CCSER1: variants seen among roughly 807,000 people sequenced by gnomAD.
CCSER1 encodes coiled-coil serine rich protein 1.
Under a neutral mutation model 82.0 loss-of-function variants are expected in CCSER1, and 41 were observed. The observed-to-expected ratio is 0.50, with a 90% confidence interval of 0.39 to 0.65. The LOEUF is 0.65. Ranked by LOEUF, CCSER1 falls within the 30% of genes least tolerant of loss-of-function variation. The pLI is 0.00. For synonymous variants in CCSER1, 414 were observed against 383.9 expected (o/e 1.08, Z -0.92); for missense variants, 1,119 against 1,064.2 (o/e 1.05, Z -0.72).
chr4:90,493,048 C>T (rs748563434), intron 5 of CCSER1, among the ~76,000 whole-genome samples: 1 of 151,994 alleles, frequency 6.6e-6, no homozygotes, highest in Non-Finnish European at 1.5e-5. Flanking sequence ...ACTGGAATAA[C>T]CACTGTAGAG....
At chr4:91,475,361 A>G (rs1757534249) in intron 10 of CCSER1, among the ~76,000 whole-genome samples, 1 of 151,962 alleles carries the variant, frequency 6.6e-6, no homozygotes, top group African/African-American at 2.4e-5. Flanking sequence ...GTGATTTCAG[A>G]GCAGATATGA....
chr4:90,332,863 A>G (rs1739580448), intron 3 of CCSER1, among the ~76,000 whole-genome samples: 1 of 152,166 alleles, frequency 6.6e-6, no homozygotes, highest in South Asian at 2.1e-4. Flanking sequence ...TTTAATATAA[A>G]TCTATATTCA....
intron 1 of CCSER1, among the ~76,000 whole-genome samples, chr4:90,293,397 CA>C (rs1272414061): frequency 6.6e-6 from 1 of 151,348 alleles, no homozygotes; most frequent in Non-Finnish European, 1.5e-5. Flanking sequence ...TTATTTTTAT[CA>C]GATACTAATT....
intron 9 of CCSER1, among the ~76,000 whole-genome samples, chr4:90,966,686 A>G (rs1202243295): frequency 2.0e-5 from 3 of 152,156 alleles, no homozygotes; most frequent in Non-Finnish European, 4.4e-5. Context: ...ACAGGAAAAT[A>G]TGAAAACTTA....
intron 5 of CCSER1, among the ~76,000 whole-genome samples, chr4:90,611,835 C>T (rs527767869): frequency 6.7e-6 from 1 of 149,518 alleles, no homozygotes; most frequent in East Asian, 1.9e-4. Context: ...CTGTTATCCT[C>T]AAAATAAAAC....
At chr4:90,904,796 T>C (rs1266451292) in intron 8 of CCSER1, among the ~76,000 whole-genome samples, 4 of 152,078 alleles carry the variant, frequency 2.6e-5, no homozygotes, top group Non-Finnish European at 5.9e-5. Context: ...AACCCTGTTA[T>C]ATGATGTGTA....
At chr4:91,204,598 T>A (rs1221667040) in intron 10 of CCSER1, among the ~76,000 whole-genome samples, 10 of 151,862 alleles carry the variant, frequency 6.6e-5, no homozygotes, top group Admixed American at 6.6e-4. Context: ...AAGATATAAA[T>A]GTTTTGCTTT....
chr4:91,589,187 C>T (rs1764148634), intron 10 of CCSER1, among the ~76,000 whole-genome samples: 1 of 151,736 alleles, frequency 6.6e-6, no homozygotes, highest in Admixed American at 6.6e-5. Flanking sequence ...CTCATATTAT[C>T]TCTTAGATTA....
At chr4:90,181,332 A>T (rs968521829) in intron 1 of CCSER1, among the ~76,000 whole-genome samples, 1 of 152,176 alleles carries the variant, frequency 6.6e-6, no homozygotes, top group African/African-American at 2.4e-5. Context: ...CAAGGGAAAA[A>T]TTTTCACAAT....
intron 5 of CCSER1, among the ~76,000 whole-genome samples, chr4:90,519,163 A>G (rs1447965997): frequency 2.6e-5 from 4 of 151,842 alleles, no homozygotes; most frequent in Non-Finnish European, 5.9e-5. Context: ...TCATTCATTC[A>G]TTTATTCATT....
intron 5 of CCSER1, among the ~76,000 whole-genome samples, chr4:90,552,254 A>T (rs142046468): frequency 6.6e-6 from 1 of 152,192 alleles, no homozygotes; most frequent in Non-Finnish European, 1.5e-5. Context: ...GTGGAGGTAC[A>T]TGTTAGTTGA....
chr4:90,915,568 G>A (rs1372779369), intron 8 of CCSER1, among the ~76,000 whole-genome samples: 1 of 152,058 alleles, frequency 6.6e-6, no homozygotes, highest in African/African-American at 2.4e-5. Context: ...ATACTGAATG[G>A]GCAAAAACTG....
chr4:90,277,183 C>G (rs1181736161), intron 1 of CCSER1, among the ~76,000 whole-genome samples: 2 of 151,960 alleles, frequency 1.3e-5, no homozygotes, highest in Non-Finnish European at 1.5e-5. Flanking sequence ...AAATGGAAAC[C>G]ATTCCATGCT....
chr4:90,726,897 A>G (rs1052860346), intron 7 of CCSER1, among the ~76,000 whole-genome samples: 6 of 152,188 alleles, frequency 3.9e-5, no homozygotes, highest in African/African-American at 1.4e-4. Context: ...GACAGGGTAC[A>G]TAAACTCCAG....
intron 10 of CCSER1, among the ~76,000 whole-genome samples, chr4:91,190,585 G>T (rs1250750906): frequency 6.6e-6 from 1 of 152,024 alleles, no homozygotes; most frequent in Non-Finnish European, 1.5e-5. Flanking sequence ...CTTTAAAAAA[G>T]AATCAAATTT....
chr4:91,112,627 A>G (rs1726189726), intron 10 of CCSER1: 1 of 151,896 alleles, frequency 6.6e-6, no homozygotes, highest in African/African-American at 2.4e-5. Context: ...CCCTGTTCTC[A>G]AGGTCATTAT....
At chr4:90,506,946 A>G (rs970852509) in intron 5 of CCSER1, among the ~76,000 whole-genome samples, 1 of 152,196 alleles carries the variant, frequency 6.6e-6, no homozygotes, top group African/African-American at 2.4e-5. Context: ...TAAAAAATAA[A>G]TGAATAGATT....
chr4:90,243,570 GA>G lies in CCSER1; in HGVS notation c.-41-64673del, dbSNP rs749303154. Among the ~76,000 whole-genome samples, 1,387 of 150,348 alleles carry G rather than the reference GA, an allele frequency of 9.2e-3. 19 individuals carry two copies. Among genetic ancestry groups the G allele is most frequent in the African/African-American group, 0.028 (1,119 of 40,452 alleles). ...CCATGTTTTTATTTTTTATTTTGGG[GA>G]GGTGGGGGGTCTTGCTTTGTTGCCC... On this transcript the variant is annotated intron_variant, in intron 1 of 10. Transcript: ENST00000509176.
intron 10 of CCSER1, among the ~76,000 whole-genome samples, chr4:91,534,775 A>T (rs1761212760): frequency 6.6e-6 from 1 of 151,904 alleles, no homozygotes; most frequent in East Asian, 1.9e-4. Flanking sequence ...GATAATTTCT[A>T]AATATCCTAA....
Sources: gnomAD v4.1 joint callset for allele counts (sites outside exome capture counted in the v4.1 genomes callset) on GRCh38, gnomAD v4.1.1 for gene constraint, MANE v1.5 for transcripts, NCBI Gene and HGNC (gene_info 2026-07-23, HGNC 2026-07-21) for gene names.